The following SLC25A53 variants were observed in gnomAD, a reference collection of about 807,000 sequenced individuals.
The protein encoded by SLC25A53 is mitochondrial carrier triple repeat protein 6.
Under a neutral mutation model 15.0 loss-of-function variants are expected in SLC25A53, and 5 were observed. The observed-to-expected ratio is 0.33, with a 90% CI of 0.17 to 0.70. The LOEUF (loss-of-function observed/expected upper bound fraction) is 0.70, where lower values mean the gene tolerates loss of function less well. Among genes scored for constraint, SLC25A53 ranks in the 30% least tolerant of loss-of-function variants. The pLI is 0.67. For missense variants in SLC25A53, 216 were observed against 241.6 expected (o/e 0.89, Z 0.70); for synonymous variants, 95 against 100.0 (o/e 0.95, Z 0.30).
At chrX:104,128,313 T>C (rs998434270) in intron 1 of SLC25A53, among the ~76,000 whole-genome samples, 2 of 112,261 alleles carry the variant, frequency 1.8e-5, no homozygotes, top group Admixed American at 9.5e-5. Flanking sequence ...CAATATTTAT[T>C]ATATTAGAAA....
Position 104,099,470 on chromosome X carries a change from T to C in SLC25A53, c.*4864A>G, listed in dbSNP as rs1556351735. The C allele has an allele frequency of 8.9e-6, 1 of 112,114 alleles. No homozygotes were observed. The highest frequency in any genetic ancestry group is 1.9e-5 in the Non-Finnish European group (1 of 53,260). 9.2% of individuals were successfully genotyped at this position (112,114 alleles called of 1,213,427 possible). On this transcript the variant is annotated 3_prime_UTR_variant, in exon 2 of 2. Transcript: ENST00000594199. ...ACCAGAATGTTCCTCAAAGTTATCA[T>C]GAATAAATCATGGTATATTTATACA... is the stretch of plus-strand genomic sequence containing the variant.
chrX:104,121,623 T>C (rs1235157724), intron 1 of SLC25A53, among the ~76,000 whole-genome samples: 3 of 109,175 alleles, frequency 2.7e-5, no homozygotes, highest in Non-Finnish European at 5.7e-5. Flanking sequence ...TAATAATATT[T>C]AAAGGTCAAC....
chrX:104,102,663 T>C lies in SLC25A53; in HGVS notation c.*1671A>G, dbSNP rs1363964622. 2 of 111,987 alleles carry C rather than the reference T, an allele frequency of 1.8e-5. No homozygotes were observed. Among genetic ancestry groups the C allele is most frequent in the African/African-American group, 6.5e-5 (2 of 30,765 alleles). 9.2% of individuals were successfully genotyped at this position (111,987 alleles called of 1,213,427 possible). ...ACAGCTTGATAATCAACTCAGTAAT[T>C]TGACCAACGTTATTGAGCACCTAGG... is the stretch of plus-strand genomic sequence containing the variant. On this transcript the variant is annotated 3_prime_UTR_variant, in exon 2 of 2. Transcript: ENST00000594199.
intron 1 of SLC25A53, among the ~76,000 whole-genome samples, chrX:104,127,237 C>T (rs781999690): frequency 8.9e-6 from 1 of 112,335 alleles, no homozygotes; most frequent in East Asian, 2.8e-4. Context: ...TGAAGAACGT[C>T]AATCCCAAAA....
chrX:104,146,255 GC>G (rs1296665110), intron 1 of SLC25A53, among the ~76,000 whole-genome samples: 1 of 111,714 alleles, frequency 9.0e-6, no homozygotes, highest in Admixed American at 9.5e-5. Flanking sequence ...AAATTCAACA[GC>G]CCTTCATGCT....
At chrX:104,118,411 C>T (rs782378939) in intron 1 of SLC25A53, among the ~76,000 whole-genome samples, 44 of 111,640 alleles carry the variant, frequency 3.9e-4, no homozygotes, top group African/African-American at 1.2e-3. Flanking sequence ...TGTCTTTTGC[C>T]GAATATTCTT....
At chrX:104,138,933 G>A (rs1434108357) in intron 1 of SLC25A53, among the ~76,000 whole-genome samples, 1 of 111,963 alleles carries the variant, frequency 8.9e-6, no homozygotes, top group Non-Finnish European at 1.9e-5. Flanking sequence ...GCCTGCTAGC[G>A]TCTCGGGGTT....
chrX:104,127,579 G>A (rs373963301), intron 1 of SLC25A53, among the ~76,000 whole-genome samples: 2 of 112,094 alleles, frequency 1.8e-5, no homozygotes, highest in African/African-American at 3.2e-5. Context: ...AGGTGCCACC[G>A]TTAGAGGAAG....
chrX:104,148,144 CT>C (rs2075474042), intron 1 of SLC25A53, among the ~76,000 whole-genome samples: 1 of 109,126 alleles, frequency 9.2e-6, no homozygotes. Context: ...AGTTCATGTC[CT>C]TTGTAGGGAC....
intron 1 of SLC25A53, chrX:104,130,472 G>T (rs1383262927): frequency 9.0e-6 from 1 of 111,422 alleles, no homozygotes; most frequent in Non-Finnish European, 1.9e-5. Flanking sequence ...ATTCTTAGGA[G>T]ATCCAGTACT....
rs377456823 is a variant in SLC25A53, at chrX:104,125,409, T to C, written c.-31-20121A>G. On this transcript the variant is annotated intron_variant, in intron 1 of 1. Coordinates refer to ENST00000594199, the MANE Select transcript of SLC25A53 (RefSeq NM_001012755.5). Reference sequence around the variant, plus strand: ...TACTTGCCTTGTGCTGTTTATGCTCTTTGGACCAGCTGCTTGAGAGTTTTC... The same window carrying C: ...TACTTGCCTTGTGCTGTTTATGCTCCTTGGACCAGCTGCTTGAGAGTTTTC... Among the ~76,000 whole-genome samples the C allele has an allele frequency of 3.5e-4, 39 of 111,969 alleles. 3 individuals are homozygous for C. The highest frequency in any genetic ancestry group is 2.5e-3 in the Admixed American group (26 of 10,506).
intron 1 of SLC25A53, among the ~76,000 whole-genome samples, chrX:104,107,048 C>A: frequency 9.4e-6 from 1 of 106,651 alleles, no homozygotes; most frequent in African/African-American, 3.5e-5. Flanking sequence ...TTCTATCCCC[C>A]CTGCTCCATC....
chrX:104,141,766 T>C lies in SLC25A53; in HGVS notation c.-32+15112A>G, dbSNP rs781879287. Among the ~76,000 whole-genome samples, 6 of 110,923 alleles carry C rather than the reference T, an allele frequency of 5.4e-5. No individual in the cohort carries two copies. The South Asian group carries it at 1.5e-3, about 29-fold the overall frequency. On this transcript the variant is annotated intron_variant, in intron 1 of 1. Transcript: ENST00000594199. ...CCACGCCTGGCTAATTTTTGAATTT[T>C]CTGTAGAGACAGGGTTTCACCATGT...
chrX:104,139,300 T>C (rs574057532), intron 1 of SLC25A53, among the ~76,000 whole-genome samples: 2 of 111,709 alleles, frequency 1.8e-5, no homozygotes, highest in African/African-American at 6.5e-5. Context: ...AGTGAATCAC[T>C]TGAGGCCAGG....
At chrX:104,126,291 A>C (rs2075410591) in intron 1 of SLC25A53, among the ~76,000 whole-genome samples, 1 of 111,209 alleles carries the variant, frequency 9.0e-6, no homozygotes, top group Admixed American at 9.6e-5. Flanking sequence ...TCTGGGCAAA[A>C]GCACTTGTTA....
At chrX:104,113,030 G>C (rs1556359766) in intron 1 of SLC25A53, 1 of 94,140 alleles carries the variant, frequency 1.1e-5, no homozygotes, top group African/African-American at 4.0e-5. Flanking sequence ...GTAGGTCGGG[G>C]GTGTTGTTGG....
intron 1 of SLC25A53, among the ~76,000 whole-genome samples, chrX:104,135,952 C>A (rs1556366381): frequency 9.0e-6 from 1 of 111,152 alleles, no homozygotes; most frequent in Non-Finnish European, 1.9e-5. Context: ...TACAGGAGCA[C>A]AAGACTTAGG....
At chrX:104,143,642 G>C (rs1556368020) in intron 1 of SLC25A53, among the ~76,000 whole-genome samples, 1 of 112,138 alleles carries the variant, frequency 8.9e-6, no homozygotes, top group East Asian at 2.8e-4. Flanking sequence ...GTACCTGAAA[G>C]TGACGGGGAG....
chrX:104,110,592 C>A (rs1329093146), intron 1 of SLC25A53, among the ~76,000 whole-genome samples: 1 of 112,152 alleles, frequency 8.9e-6, no homozygotes, highest in African/African-American at 3.2e-5. Context: ...ACAAGCCCCA[C>A]AGAAGCCTCC....
Sources: allele counts gnomAD v4.1 joint callset (sites outside exome capture counted in the v4.1 genomes callset), GRCh38; gene constraint gnomAD v4.1.1; transcripts MANE v1.5; gene names NCBI Gene and HGNC (gene_info 2026-07-23, HGNC 2026-07-21).